Variants in HLCS observed in about 807,000 individuals in gnomAD.
HLCS encodes the protein holocarboxylase synthetase, also known as biotin--protein ligase.
A neutral mutation model predicts 75.0 loss-of-function variants in HLCS; 53 were observed. That is an observed-to-expected ratio of 0.71 (90% CI 0.57 to 0.89). The LOEUF (loss-of-function observed/expected upper bound fraction) is 0.89. HLCS is among the 40% of genes least tolerant of loss of function. The probability of loss-of-function intolerance (pLI) is 0.00; values close to 1 mark genes in which losing one functional copy is unlikely to be tolerated. For synonymous variants in HLCS, 431 were observed against 428.6 expected, an observed-to-expected ratio of 1.01 and a Z score of -0.07; for missense variants, 966 against 1,074.0, an observed-to-expected ratio of 0.90 and a Z score of 1.41.
rs1167988447 is a variant in HLCS, at chr21:36,854,061, TC to T, written c.1892+42798del. ...AAATTTTGACTATTAAAAAAGAGTCTCATATAACTTTTAATGGATAATGGCA... is the reference window on the plus strand; with the variant it reads ...AAATTTTGACTATTAAAAAAGAGTCTATATAACTTTTAATGGATAATGGCA... On this transcript the variant is annotated intron_variant, in intron 6 of 10. Coordinates refer to ENST00000674895, the MANE Select transcript of HLCS (RefSeq NM_001352514.2). 2.0e-5 allele frequency among the ~76,000 whole-genome samples: 3 copies of T among 152,254 alleles called. No individual in the cohort carries two copies. In the East Asian group the frequency reaches 5.8e-4, roughly 29 times the overall value.
intron 1 of HLCS, among the ~76,000 whole-genome samples, chr21:36,989,359 TGTC>T (rs1325350308): frequency 6.9e-6 from 1 of 145,624 alleles, no homozygotes; most frequent in Non-Finnish European, 1.5e-5. Context: ...AGTTCGCTCT[TGTC>T]GTCCAGGCTG....
chr21:36,954,142 C>T (rs2067804832), intron 2 of HLCS, among the ~76,000 whole-genome samples: 1 of 151,932 alleles, frequency 6.6e-6, no homozygotes, highest in Non-Finnish European at 1.5e-5. Flanking sequence ...CCCGCCTCTA[C>T]TAAAAATACA....
At chr21:36,883,507 A>G (rs2064318283) in intron 6 of HLCS, among the ~76,000 whole-genome samples, 1 of 152,232 alleles carries the variant, frequency 6.6e-6, no homozygotes, top group Non-Finnish European at 1.5e-5. Flanking sequence ...CTAACGTCTA[A>G]GAATATCTAA....
At chr21:36,776,112 T>C (rs192907327) in intron 6 of HLCS, among the ~76,000 whole-genome samples, 35 of 152,348 alleles carry the variant, frequency 2.3e-4, no homozygotes, top group Admixed American at 3.9e-4. Context: ...ATAATACTTT[T>C]TTCTTTTTAA....
At chr21:36,830,743 C>A (rs1206502114) in intron 6 of HLCS, among the ~76,000 whole-genome samples, 3 of 149,018 alleles carry the variant, frequency 2.0e-5, no homozygotes, top group African/African-American at 7.4e-5. Context: ...TCTGGACAAG[C>A]CCCTGGAAGT....
chr21:36,866,858 A>T (rs1156749099), intron 6 of HLCS, among the ~76,000 whole-genome samples: 64 of 90,550 alleles, frequency 7.1e-4, no homozygotes, highest in African/African-American at 2.6e-3. Context: ...TTTTTTTTTT[A>T]AAGGTTCTGC....
intron 6 of HLCS, among the ~76,000 whole-genome samples, chr21:36,862,186 T>C (rs2146194842): frequency 6.6e-6 from 1 of 152,368 alleles, no homozygotes; most frequent in South Asian, 2.1e-4. Context: ...ATTTATCCAT[T>C]CATCCACTGA....
intron 6 of HLCS, among the ~76,000 whole-genome samples, chr21:36,820,121 C>T (rs1437052424): frequency 3.9e-5 from 6 of 152,188 alleles, no homozygotes; most frequent in South Asian, 4.1e-4. Flanking sequence ...CCTTGGCCAT[C>T]GGGAATGAGG....
At chr21:36,911,489 A>G (rs1196687982) in intron 5 of HLCS, among the ~76,000 whole-genome samples, 1 of 152,184 alleles carries the variant, frequency 6.6e-6, no homozygotes, top group Non-Finnish European at 1.5e-5. Flanking sequence ...TCATGCCCGT[A>G]ATCTCAGCAC....
upstream of HLCS, among the ~76,000 whole-genome samples, chr21:36,970,059 A>C (rs2068744651): frequency 6.6e-6 from 1 of 152,202 alleles, no homozygotes; most frequent in Non-Finnish European, 1.5e-5. Flanking sequence ...TGCCCTGGGA[A>C]TAATAGTTTG....
At chr21:36,784,262 G>T (rs190491827) in intron 6 of HLCS, among the ~76,000 whole-genome samples, 6 of 150,588 alleles carry the variant, frequency 4.0e-5, no homozygotes, top group Non-Finnish European at 7.4e-5. Context: ...CACTAGGAAA[G>T]AATCTTTTGC....
chr21:36,880,434 T>C (rs1458674356), intron 6 of HLCS, among the ~76,000 whole-genome samples: 2 of 152,144 alleles, frequency 1.3e-5, no homozygotes, highest in African/African-American at 4.8e-5. Flanking sequence ...ACATCAGAGA[T>C]TCACAGCCCA....
intron 6 of HLCS, among the ~76,000 whole-genome samples, chr21:36,869,806 A>G (rs568731962): frequency 6.6e-6 from 1 of 152,332 alleles, no homozygotes; most frequent in South Asian, 2.1e-4. Flanking sequence ...TTAAAATCAC[A>G]GACTCACAGA....
At chr21:36,799,485 T>C (rs1284599613) in intron 6 of HLCS, among the ~76,000 whole-genome samples, 1 of 152,222 alleles carries the variant, frequency 6.6e-6, no homozygotes, top group Non-Finnish European at 1.5e-5. Context: ...AGTTTATTTA[T>C]ATATCCAGGC....
intron 6 of HLCS, among the ~76,000 whole-genome samples, chr21:36,825,480 T>C (rs550922949): frequency 1.3e-5 from 2 of 152,340 alleles, no homozygotes; most frequent in Admixed American, 6.5e-5. Flanking sequence ...TATGTGTGTG[T>C]GTGTACACGT....
At chr21:36,909,689 C>T (rs991777928) in intron 5 of HLCS, among the ~76,000 whole-genome samples, 1 of 152,162 alleles carries the variant, frequency 6.6e-6, no homozygotes, top group Non-Finnish European at 1.5e-5. Context: ...AACTCCTGGG[C>T]TCAAGCAATC....
In HLCS at chr21:36,750,332, G is replaced by A. The variant is rs1348801647; in HGVS notation, c.*3914C>T. ...ATTCAAGGCTGGCTCAGCCCTCCACGGGGCCTCCCAGGGAAAGGAATTCCT... is the reference window on the plus strand; with the variant it reads ...ATTCAAGGCTGGCTCAGCCCTCCACAGGGCCTCCCAGGGAAAGGAATTCCT... On this transcript the variant is annotated 3_prime_UTR_variant, in exon 11 of 11. Transcript: ENST00000674895. Among the ~76,000 whole-genome samples the A allele has an allele frequency of 3.3e-5, 5 of 152,232 alleles. No individual in the cohort carries two copies. The South Asian group carries it at 8.3e-4, about 25-fold the overall frequency.
chr21:36,865,190 A>G lies in HLCS; in HGVS notation c.1892+31670T>C, dbSNP rs138803427. The stretch of plus-strand genomic sequence containing the variant: ...CACTGACATCTGCTCGGGCGGATCA[A>G]TCTCAGGCAAGAGTCCACGTGGAGG... On this transcript the variant is annotated intron_variant, in intron 6 of 10. Transcript: ENST00000674895. Among the ~76,000 whole-genome samples, 385 of 152,088 alleles carry G rather than the reference A, an allele frequency of 2.5e-3. 1 individual carries two copies. The highest frequency in any genetic ancestry group is 8.8e-3 in the African/African-American group (366 of 41,492).
intron 6 of HLCS, among the ~76,000 whole-genome samples, chr21:36,814,909 G>A (rs9978519): frequency 0.047 from 7,188 of 152,264 alleles, 208 homozygotes; most frequent in African/African-American, 0.077. Flanking sequence ...AAGAAGACCC[G>A]GTGCAATGGG....
Sources: gnomAD v4.1 joint callset for allele counts (sites outside exome capture counted in the v4.1 genomes callset) on GRCh38, gnomAD v4.1.1 for gene constraint, MANE v1.5 for transcripts, NCBI Gene and HGNC (gene_info 2026-07-23, HGNC 2026-07-21) for gene names.